Variants in COBL observed in about 807,000 individuals in gnomAD.
The protein encoded by COBL is cordon-bleu WH2 repeat protein.
Under a neutral mutation model 98.8 loss-of-function variants are expected in COBL, and 51 were observed. The ratio of observed to expected loss-of-function variants is 0.52; its 90% confidence interval spans 0.41 to 0.65. The LOEUF is 0.65. COBL is among the 30% of genes least tolerant of loss of function. COBL has a pLI of 0.00. For synonymous variants in COBL, 634 were observed against 651.7 expected (o/e 0.97, Z 0.41); for missense variants, 1,617 against 1,617.5 (o/e 1.00, Z 0.01).
intron 1 of COBL, among the ~76,000 whole-genome samples, chr7:51,221,426 A>T (rs1321539558): frequency 1.3e-5 from 2 of 152,250 alleles, no homozygotes; most frequent in Admixed American, 1.3e-4. Flanking sequence ...ATACATTAAT[A>T]AATTAACACA....
chr7:51,277,159 T>C (rs1799384084), intron 1 of COBL, among the ~76,000 whole-genome samples: 1 of 152,074 alleles, frequency 6.6e-6, no homozygotes, highest in Non-Finnish European at 1.5e-5. Flanking sequence ...AACAAGGCCT[T>C]CCCTGTTTCC....
chr7:51,125,496 G>T (rs1013256343), intron 6 of COBL, among the ~76,000 whole-genome samples: 6 of 152,190 alleles, frequency 3.9e-5, no homozygotes, highest in Admixed American at 1.3e-4. Flanking sequence ...TGTTAAGGCA[G>T]TAATTATGCT....
chr7:51,265,637 A>C (rs1412999289), intron 1 of COBL, among the ~76,000 whole-genome samples: 2 of 152,190 alleles, frequency 1.3e-5, no homozygotes, highest in Non-Finnish European at 2.9e-5. Context: ...GGATGATGTG[A>C]TACCTGAGGT....
rs370745564 is a variant in COBL at position 51,178,118 on chromosome 7, G to A, written c.783+5984C>T. On this transcript the variant is annotated intron_variant, in intron 5 of 12. Transcript: ENST00000265136. ...CCAAGATCATGCCATTGCATTCCAG[G>A]CTGGGCAACAAGAGTGAAACACACT... Among the ~76,000 whole-genome samples, 3 of 151,864 alleles carry A rather than the reference G, an allele frequency of 2.0e-5. No homozygotes were observed. In the East Asian group the frequency reaches 5.8e-4, roughly 29 times the overall value.
At chr7:51,168,469 C>G (rs1378137880) in intron 5 of COBL, among the ~76,000 whole-genome samples, 1 of 151,884 alleles carries the variant, frequency 6.6e-6, no homozygotes, top group Admixed American at 6.6e-5. Flanking sequence ...TTTAAATAGA[C>G]ATTTCTCAAA....
chr7:51,075,336 C>T (rs1180128063), intron 7 of COBL, among the ~76,000 whole-genome samples: 1 of 152,122 alleles, frequency 6.6e-6, no homozygotes, highest in Non-Finnish European at 1.5e-5. Flanking sequence ...TGGTTGATTT[C>T]CTGCTATTGA....
intron 7 of COBL, chr7:51,083,260 AG>A (rs1345056450): frequency 7.0e-6 from 10 of 1,431,666 alleles, no homozygotes; most frequent in Middle Eastern, 4.0e-4. Flanking sequence ...TTACTTCAGC[AG>A]GTTAAACCAA....
intron 5 of COBL, among the ~76,000 whole-genome samples, chr7:51,149,970 A>G (rs1001517048): frequency 6.6e-6 from 1 of 152,048 alleles, no homozygotes; most frequent in Non-Finnish European, 1.5e-5. Context: ...TTCCTTTGGA[A>G]CTTCTCATGT....
At chr7:51,170,150 A>T (rs531625472) in intron 5 of COBL, among the ~76,000 whole-genome samples, 2 of 152,220 alleles carry the variant, frequency 1.3e-5, no homozygotes, top group Non-Finnish European at 2.9e-5. Context: ...TTTCTGATTC[A>T]TTCGATTTTT....
chr7:51,030,499 T>G (rs566304055), intron 9 of COBL, among the ~76,000 whole-genome samples: 21 of 152,362 alleles, frequency 1.4e-4, no homozygotes, highest in African/African-American at 5.0e-4. Context: ...GAAATCTGTT[T>G]ATTTTTTGCG....
At chr7:51,316,063 G>C (rs1317732896) in intron 1 of COBL, among the ~76,000 whole-genome samples, 3 of 152,236 alleles carry the variant, frequency 2.0e-5, no homozygotes, top group Non-Finnish European at 4.4e-5. Flanking sequence ...CCGAGAACGC[G>C]GGGCCCGGGC....
intron 1 of COBL, among the ~76,000 whole-genome samples, chr7:51,282,316 T>A (rs938519559): frequency 6.6e-6 from 1 of 152,058 alleles, no homozygotes; most frequent in Non-Finnish European, 1.5e-5. Flanking sequence ...TTTAACTACA[T>A]GCTATCTTCA....
intron 8 of COBL, 29 bp downstream of exon 8, chr7:51,043,354 C>G: frequency 6.2e-7 from 1 of 1,600,544 alleles, no homozygotes; most frequent in Non-Finnish European, 8.5e-7. Context: ...CTGTGACTTC[C>G]GTACCCACCC....
At chr7:51,270,152 T>C (rs937062349) in intron 1 of COBL, among the ~76,000 whole-genome samples, 3 of 152,206 alleles carry the variant, frequency 2.0e-5, no homozygotes, top group Non-Finnish European at 2.9e-5. Flanking sequence ...TCTGGACACC[T>C]GTCTGAGCAC....
Position 51,259,839 on chromosome 7 carries a change from G to A in COBL, c.42-39895C>T, listed in dbSNP as rs149109272. Reference sequence around the variant, plus strand: ...ATACCACTAAAAATTTTCTTTAGGCGAAGTCTTGCCATGGTTCTCTGCACC... The same window carrying A: ...ATACCACTAAAAATTTTCTTTAGGCAAAGTCTTGCCATGGTTCTCTGCACC... On this transcript the variant is annotated intron_variant, in intron 1 of 12. Coordinates refer to ENST00000265136, the MANE Select transcript of COBL (RefSeq NM_015198.5). 9.4e-3 allele frequency: 7,101 copies of A among 754,706 alleles called. 48 individuals are homozygous for A. Among genetic ancestry groups the A allele is most frequent in the Non-Finnish European group, 0.013 (5,415 of 411,996 alleles). 46.8% of individuals were successfully genotyped at this position (754,706 alleles called of 1,614,324 possible).
intron 1 of COBL, among the ~76,000 whole-genome samples, chr7:51,267,590 T>G (rs1262911557): frequency 6.6e-6 from 1 of 152,212 alleles, no homozygotes; most frequent in Non-Finnish European, 1.5e-5. Flanking sequence ...TGTTGTTGTT[T>G]TTGAGACAGG....
At chr7:51,039,435 C>T (rs1486350071) in intron 8 of COBL, among the ~76,000 whole-genome samples, 3 of 152,242 alleles carry the variant, frequency 2.0e-5, no homozygotes. Flanking sequence ...CATCGGGCCA[C>T]ACCTGAGTTC....
Position 51,043,840 on chromosome 7 carries a change from T to C in COBL, c.1097-148A>G, listed in dbSNP as rs1177621840. ...AGGAAGAACCTCATTCAAATACTGC[T>C]GAATACTCCTGAAACATTTTAACTC... On this transcript the variant is annotated intron_variant, in intron 7 of 12. Coordinates refer to ENST00000265136, the MANE Select transcript of COBL (RefSeq NM_015198.5). 5 of 641,976 alleles carry C rather than the reference T, an allele frequency of 7.8e-6. No individual in the cohort carries two copies. The East Asian group carries it at 1.4e-4, about 18-fold the overall frequency. 39.8% of individuals were successfully genotyped at this position (641,976 alleles called of 1,614,324 possible).
intron 3 of COBL, among the ~76,000 whole-genome samples, chr7:51,192,316 A>C (rs895908466): frequency 6.6e-6 from 1 of 152,234 alleles, no homozygotes; most frequent in Non-Finnish European, 1.5e-5. Context: ...CTTATTTAAA[A>C]GTACAATAAA....
Sources: gnomAD v4.1 joint callset for allele counts (sites outside exome capture counted in the v4.1 genomes callset) on GRCh38, gnomAD v4.1.1 for gene constraint, MANE v1.5 for transcripts, NCBI Gene and HGNC (gene_info 2026-07-23, HGNC 2026-07-21) for gene names.